The following ATP8B4 variants were observed in gnomAD, a reference collection of about 807,000 sequenced individuals.
ATP8B4 encodes ATPase phospholipid transporting 8B4 (putative), also known as probable phospholipid-transporting ATPase IM.
Under a neutral mutation model 145.6 loss-of-function variants are expected in ATP8B4, and 133 were observed. The observed-to-expected ratio is 0.91, with a 90% CI of 0.79 to 1.05. The LOEUF (loss-of-function observed/expected upper bound fraction) is 1.05. Ranked by LOEUF, ATP8B4 falls within the 50% of genes least tolerant of loss-of-function variation. ATP8B4 has a pLI of 0.00. For synonymous variants in ATP8B4, 507 were observed against 492.9 expected, an observed-to-expected ratio of 1.03 and a Z score of -0.38; for missense variants, 1,458 against 1,425.2, an observed-to-expected ratio of 1.02 and a Z score of -0.37.
chr15:50,099,250 T>A (rs551789153), intron 2 of ATP8B4, among the ~76,000 whole-genome samples: 1 of 152,326 alleles, frequency 6.6e-6, no homozygotes, highest in African/African-American at 2.4e-5. Flanking sequence ...TCTTCCTGAT[T>A]GCGGAAAAGC....
intron 1 of ATP8B4, among the ~76,000 whole-genome samples, chr15:50,157,906 C>T (rs1257809826): frequency 2.0e-5 from 3 of 152,176 alleles, no homozygotes; most frequent in Non-Finnish European, 4.4e-5. Context: ...AGGCGCGTGC[C>T]GCCACGCCTG....
At chr15:49,879,636 T>C (rs1447748113) in intron 23 of ATP8B4, 177 bp from the exon 24 acceptor site, 5 of 574,242 alleles carry the variant, frequency 8.7e-6, no homozygotes, top group South Asian at 2.3e-5. Flanking sequence ...AATGGGATAC[T>C]AGATCTCTCT....
chr15:49,929,988 G>A (rs939236454), intron 16 of ATP8B4, among the ~76,000 whole-genome samples: 14 of 152,018 alleles, frequency 9.2e-5, no homozygotes, highest in African/African-American at 3.4e-4. Flanking sequence ...AACTAATCTG[G>A]GATGGAAAGC....
At chr15:50,134,405 C>CT (rs1281914743) in intron 1 of ATP8B4, among the ~76,000 whole-genome samples, 1 of 152,116 alleles carries the variant, frequency 6.6e-6, no homozygotes, top group African/African-American at 2.4e-5. Context: ...GAAGAGAAAG[C>CT]TCTTGAGCTA....
intron 10 of ATP8B4, among the ~76,000 whole-genome samples, chr15:49,985,492 C>T (rs8027678): frequency 0.4 from 60,774 of 152,054 alleles, 13,803 homozygotes; most frequent in African/African-American, 0.64. Flanking sequence ...TGTTCATCTC[C>T]GACACGGACG....
chr15:50,014,239 C>T (rs2153574279), intron 6 of ATP8B4, among the ~76,000 whole-genome samples: 1 of 152,154 alleles, frequency 6.6e-6, no homozygotes, highest in South Asian at 2.1e-4. Context: ...CCAATCAATC[C>T]ACTTAACCCT....
At chr15:50,107,511 T>A (rs934603241) in intron 1 of ATP8B4, among the ~76,000 whole-genome samples, 7 of 152,186 alleles carry the variant, frequency 4.6e-5, no homozygotes, top group East Asian at 3.8e-4. Context: ...TTATTTTTTT[T>A]AAACCAGAAT....
At position 49,996,662 on chromosome 15, in the gene ATP8B4, G is replaced by A; in HGVS notation, c.589+15C>T. 1.3e-6 allele frequency: 2 copies of A among 1,584,614 alleles called. No homozygotes were observed. Among genetic ancestry groups the A allele is most frequent in the Non-Finnish European group, 1.7e-6 (2 of 1,157,304 alleles). Reference sequence around the variant, plus strand: ...GTTTGAGGTTTTTGTTTGTTTATCTGTTTAAAATACTTACCATCAAACCCT... The same window carrying A: ...GTTTGAGGTTTTTGTTTGTTTATCTATTTAAAATACTTACCATCAAACCCT... On this transcript the variant is annotated intron_variant, in intron 9 of 27. Coordinates refer to ENST00000284509, the MANE Select transcript of ATP8B4 (RefSeq NM_024837.4).
intron 24 of ATP8B4, among the ~76,000 whole-genome samples, chr15:49,877,643 G>A (rs1055894219): frequency 2.0e-4 from 31 of 152,116 alleles, no homozygotes; most frequent in African/African-American, 7.5e-4. Context: ...CCCTGGTAAC[G>A]GGTTTAGCTG....
chr15:49,931,068 T>C, intron 16 of ATP8B4, 51 bp downstream of exon 16: 1 of 1,514,502 alleles, frequency 6.6e-7, no homozygotes, highest in Non-Finnish European at 8.9e-7. Flanking sequence ...TTGAAAAGCA[T>C]AACCACAACA....
chr15:49,910,203 TA>T (rs1235876322), intron 20 of ATP8B4, among the ~76,000 whole-genome samples: 3 of 151,776 alleles, frequency 2.0e-5, no homozygotes, highest in Non-Finnish European at 4.4e-5. Flanking sequence ...CTGAATGAAA[TA>T]AAAAAATATA....
intron 14 of ATP8B4, among the ~76,000 whole-genome samples, chr15:49,950,609 A>AAC (rs767486119): frequency 3.0e-5 from 3 of 101,138 alleles, no homozygotes; most frequent in Non-Finnish European, 6.8e-5. Context: ...AAAACAAACA[A>AAC]ACAAACAAAC....
chr15:50,090,225 C>T (rs112017172), intron 2 of ATP8B4, among the ~76,000 whole-genome samples: 4,092 of 151,970 alleles, frequency 0.027, 193 homozygotes, highest in African/African-American at 0.094. Context: ...AGGGGAACAA[C>T]GGGAGGGAGA....
chr15:50,144,716 C>T (rs1480501197), intron 1 of ATP8B4, among the ~76,000 whole-genome samples: 1 of 151,980 alleles, frequency 6.6e-6, no homozygotes, highest in Non-Finnish European at 1.5e-5. Context: ...GAAAGAATAA[C>T]CTAATATGAG....
At chr15:49,880,938 C>T (rs1361681353) in intron 23 of ATP8B4, among the ~76,000 whole-genome samples, 1 of 152,008 alleles carries the variant, frequency 6.6e-6, no homozygotes, top group Non-Finnish European at 1.5e-5. Context: ...TGGTGAAACC[C>T]CGTCTCTACT....
At chr15:50,058,052 G>A (rs1051845446) in intron 3 of ATP8B4, among the ~76,000 whole-genome samples, 20 of 151,288 alleles carry the variant, frequency 1.3e-4, no homozygotes, top group African/African-American at 4.8e-4. Context: ...AGAGAGATAA[G>A]AAGAAGGCAT....
intron 14 of ATP8B4, among the ~76,000 whole-genome samples, chr15:49,943,024 T>C (rs1322780801): frequency 6.6e-6 from 1 of 152,082 alleles, no homozygotes; most frequent in East Asian, 1.9e-4. Context: ...ACAAAAAGAC[T>C]TTAAAAAAAT....
chr15:50,076,757 C>A (rs1200361211), intron 2 of ATP8B4, among the ~76,000 whole-genome samples: 1 of 152,178 alleles, frequency 6.6e-6, no homozygotes, highest in African/African-American at 2.4e-5. Context: ...TCTTTCTGAA[C>A]TAAGTCTTCC....
At chr15:49,867,795 G>GA (rs1383840454) in intron 25 of ATP8B4, among the ~76,000 whole-genome samples, 2 of 151,956 alleles carry the variant, frequency 1.3e-5, no homozygotes, top group Non-Finnish European at 2.9e-5. Context: ...TTAGGTCACA[G>GA]AAAAAAATAA....
Sources: gnomAD v4.1 joint callset for allele counts (sites outside exome capture counted in the v4.1 genomes callset) on GRCh38, gnomAD v4.1.1 for gene constraint, MANE v1.5 for transcripts, NCBI Gene and HGNC (gene_info 2026-07-23, HGNC 2026-07-21) for gene names.